OPCML: variants seen among roughly 807,000 people sequenced by gnomAD.
The protein encoded by OPCML is opioid-binding protein/cell adhesion molecule.
A neutral mutation model predicts 37.8 loss-of-function variants in OPCML; 13 were observed. The observed-to-expected ratio is 0.34, with a 90% CI of 0.22 to 0.55. The LOEUF is 0.55. Among genes scored for constraint, OPCML ranks in the 20% least tolerant of loss-of-function variants. The pLI is 0.91. For synonymous variants in OPCML, 176 were observed against 168.8 expected (o/e 1.04, Z -0.33); for missense variants, 341 against 435.6 (o/e 0.78, Z 1.93).
intron 1 of OPCML, among the ~76,000 whole-genome samples, chr11:133,508,590 C>A (rs952950033): frequency 6.6e-6 from 1 of 152,218 alleles, no homozygotes; most frequent in African/African-American, 2.4e-5. Context: ...ATCATCTGGG[C>A]TGCCGCAGGC....
At chr11:133,125,934 T>C (rs1409229699) in intron 1 of OPCML, among the ~76,000 whole-genome samples, 2 of 149,162 alleles carry the variant, frequency 1.3e-5, no homozygotes, top group Non-Finnish European at 3.0e-5. Flanking sequence ...TATATACACA[T>C]GTATATATAG....
chr11:133,499,265 G>C (rs1275947230), intron 1 of OPCML, among the ~76,000 whole-genome samples: 1 of 152,182 alleles, frequency 6.6e-6, no homozygotes, highest in Admixed American at 6.5e-5. Context: ...GGCAGGGTCA[G>C]AGGAACTAGT....
At chr11:133,400,185 A>C (rs1247530363) in intron 1 of OPCML, among the ~76,000 whole-genome samples, 1 of 152,194 alleles carries the variant, frequency 6.6e-6, no homozygotes, top group South Asian at 2.1e-4. Context: ...CTTCTAATTT[A>C]GCCTCAAGTG....
chr11:132,943,168 G>C lies in OPCML; in HGVS notation c.62-158C>G. 5.0e-6 allele frequency: 8 copies of C among 1,597,720 alleles called. No individual in the cohort carries two copies. The highest frequency in any genetic ancestry group is 4.3e-6 in the Non-Finnish European group (5 of 1,168,612). ...CCCCGCCCCGCGCACCAGCGGGCTC[G>C]GGAAGCGGTGCGGGGAGGAGGGAAG... On this transcript the variant is annotated intron_variant, in intron 1 of 7. Transcript: ENST00000524381. The surrounding 1 kb of genome is among the most constrained non-coding windows in gnomAD (Gnocchi z 4.3).
intron 2 of OPCML, among the ~76,000 whole-genome samples, chr11:132,764,523 C>T (rs1396688313): frequency 6.6e-6 from 1 of 152,128 alleles, no homozygotes; most frequent in Non-Finnish European, 1.5e-5. Context: ...ATCAGGTTCC[C>T]CACTCATAAC....
At chr11:133,328,827 G>T (rs997904582) in intron 1 of OPCML, among the ~76,000 whole-genome samples, 1 of 152,092 alleles carries the variant, frequency 6.6e-6, no homozygotes, top group Non-Finnish European at 1.5e-5. Flanking sequence ...CGGAAGTTCT[G>T]GCCAGGGCAA....
chr11:133,122,743 A>T (rs7122564), intron 1 of OPCML, among the ~76,000 whole-genome samples: 5,802 of 152,200 alleles, frequency 0.038, 357 homozygotes, highest in African/African-American at 0.13. Context: ...TGATGCTGAC[A>T]TTCATCTCCC....
At chr11:132,610,007 T>C (rs947141341) in intron 3 of OPCML, among the ~76,000 whole-genome samples, 3 of 143,600 alleles carry the variant, frequency 2.1e-5, no homozygotes, top group Non-Finnish European at 3.0e-5. Context: ...CAAATACTTT[T>C]TCTCCTTGTA....
intron 1 of OPCML, among the ~76,000 whole-genome samples, chr11:133,046,592 C>T (rs1948022254): frequency 6.6e-6 from 1 of 152,132 alleles, no homozygotes; most frequent in Non-Finnish European, 1.5e-5. Flanking sequence ...CAACGCCAGG[C>T]ATTTACCAGC....
chr11:132,595,623 C>T (rs958394040), intron 3 of OPCML, among the ~76,000 whole-genome samples: 1 of 152,160 alleles, frequency 6.6e-6, no homozygotes, highest in Non-Finnish European at 1.5e-5. Context: ...TTCACAGACT[C>T]CACAGAACTC....
intron 3 of OPCML, among the ~76,000 whole-genome samples, chr11:132,616,626 T>G (rs1170099079): frequency 6.6e-6 from 1 of 152,196 alleles, no homozygotes; most frequent in African/African-American, 2.4e-5. Context: ...CTTCTCAAAA[T>G]TTTTTCACAG....
At chr11:132,597,110 C>T (rs1237487875) in intron 3 of OPCML, among the ~76,000 whole-genome samples, 3 of 152,144 alleles carry the variant, frequency 2.0e-5, no homozygotes, top group Non-Finnish European at 2.9e-5. Flanking sequence ...AGTGTGATAA[C>T]ATTTAAAAAT....
chr11:133,439,345 A>G, intron 1 of OPCML: 1 of 985,282 alleles, frequency 1.0e-6, no homozygotes, highest in Non-Finnish European at 1.2e-6. Context: ...AAAAACAAAC[A>G]AACCAAACTC....
intron 1 of OPCML, among the ~76,000 whole-genome samples, chr11:133,049,743 T>C (rs1446340955): frequency 2.0e-5 from 3 of 152,204 alleles, no homozygotes; most frequent in Admixed American, 2.0e-4. Flanking sequence ...CTGGTTTCAC[T>C]CCCGTGCTGT....
intron 2 of OPCML, among the ~76,000 whole-genome samples, chr11:132,758,217 T>G (rs1470550181): frequency 6.6e-6 from 1 of 152,228 alleles, no homozygotes. Context: ...CCTTCTAGTA[T>G]AGTTTGAAGT....
At chr11:132,728,183 C>T (rs1390230344) in intron 2 of OPCML, among the ~76,000 whole-genome samples, 1 of 152,208 alleles carries the variant, frequency 6.6e-6, no homozygotes, top group Non-Finnish European at 1.5e-5. Flanking sequence ...CGGACAGCGC[C>T]CGCACCCTGT....
At chr11:133,081,196 C>T (rs1204378023) in intron 1 of OPCML, among the ~76,000 whole-genome samples, 1 of 152,106 alleles carries the variant, frequency 6.6e-6, no homozygotes, top group African/African-American at 2.4e-5. Context: ...GTATACCCAT[C>T]CCTTATATTT....
At position 133,208,287 on chromosome 11, in the gene OPCML, T is replaced by G. The variant is rs941500615; in HGVS notation, c.62-265277A>C. Among the ~76,000 whole-genome samples the G allele has an allele frequency of 6.6e-6, 1 of 152,184 alleles. No individual in the cohort carries two copies. Among genetic ancestry groups the G allele is most frequent in the Non-Finnish European group, 1.5e-5 (1 of 68,032 alleles). ...TTGTATTACCACGTATAAATACCAG[T>G]GAGTGAATGAATGCGGGACAGAAGC... On this transcript the variant is annotated intron_variant, in intron 1 of 7. Transcript: ENST00000524381. This position sits in a 1 kb window ranked among gnomAD's most constrained non-coding sequence, Gnocchi z 8.9.
chr11:132,731,544 C>T (rs1011191701), intron 2 of OPCML, among the ~76,000 whole-genome samples: 7 of 152,154 alleles, frequency 4.6e-5, no homozygotes, highest in African/African-American at 1.4e-4. Flanking sequence ...AAAATTGGCA[C>T]ATTTATATAA....
Sources: gnomAD v4.1 joint callset for allele counts (sites outside exome capture counted in the v4.1 genomes callset) on GRCh38, gnomAD v4.1.1 for gene constraint, Gnocchi (gnomAD v3.1) non-coding constraint, MANE v1.5 for transcripts, NCBI Gene and HGNC (gene_info 2026-07-23, HGNC 2026-07-21) for gene names.